Variants in NEDD4L observed in about 807,000 individuals in gnomAD.
The protein encoded by NEDD4L is E3 ubiquitin-protein ligase NEDD4-like.
Under a neutral mutation model 148.9 loss-of-function variants are expected in NEDD4L, and 54 were observed. The observed-to-expected ratio is 0.36, with a 90% CI of 0.29 to 0.45. The LOEUF is 0.45. Ranked by LOEUF, NEDD4L falls within the 20% of genes least tolerant of loss-of-function variation. NEDD4L has a pLI of 1.00. For synonymous variants in NEDD4L, 433 were observed against 440.7 expected (o/e 0.98, Z 0.22); for missense variants, 856 against 1,233.8 (o/e 0.69, Z 4.59).
At chr18:58,294,457 G>A (rs954626451) in intron 5 of NEDD4L, among the ~76,000 whole-genome samples, 4 of 152,102 alleles carry the variant, frequency 2.6e-5, no homozygotes, top group Non-Finnish European at 5.9e-5. Context: ...CTTAGGAAGT[G>A]GCTAAATAAA....
intron 5 of NEDD4L, among the ~76,000 whole-genome samples, chr18:58,262,498 C>T (rs1255582539): frequency 6.6e-6 from 1 of 151,944 alleles, no homozygotes; most frequent in Non-Finnish European, 1.5e-5. Context: ...GCGTGGTGGC[C>T]TCTGTCTGTA....
chr18:58,289,909 T>C (rs1046134432), intron 5 of NEDD4L, among the ~76,000 whole-genome samples: 4 of 152,276 alleles, frequency 2.6e-5, no homozygotes, highest in African/African-American at 9.6e-5. Flanking sequence ...TTGTATACCA[T>C]TGATAGTCAT....
intron 10 of NEDD4L, 111 bp from the exon 11 acceptor site, chr18:58,330,627 G>A (rs554300024): frequency 1.3e-6 from 1 of 747,568 alleles, no homozygotes; most frequent in Non-Finnish European, 2.0e-6. Flanking sequence ...CACTTAGTAG[G>A]TGTTAATTAT....
At chr18:58,198,699 T>A (rs373075868) in intron 2 of NEDD4L, among the ~76,000 whole-genome samples, 1 of 152,240 alleles carries the variant, frequency 6.6e-6, no homozygotes, top group South Asian at 2.1e-4. Flanking sequence ...CTAATTTGAA[T>A]TCCTTGTTTC....
intron 2 of NEDD4L, among the ~76,000 whole-genome samples, chr18:58,241,610 G>T (rs530695364): frequency 6.6e-6 from 1 of 151,202 alleles, no homozygotes; most frequent in East Asian, 1.9e-4. Flanking sequence ...ACCCAGATTT[G>T]CACGGGAAGT....
At chr18:58,070,301 G>C (rs2082801803) in intron 1 of NEDD4L, among the ~76,000 whole-genome samples, 2 of 151,832 alleles carry the variant, frequency 1.3e-5, no homozygotes, top group African/African-American at 4.8e-5. Context: ...GTCTCTCTCT[G>C]TCACCTAGCC....
At chr18:58,101,752 G>T (rs2084765251) in intron 1 of NEDD4L, among the ~76,000 whole-genome samples, 1 of 152,162 alleles carries the variant, frequency 6.6e-6, no homozygotes, top group African/African-American at 2.4e-5. Flanking sequence ...TCTTTGGATG[G>T]TTGTTCTGCC....
At chr18:58,066,013 A>G (rs2082571927) in intron 1 of NEDD4L, among the ~76,000 whole-genome samples, 1 of 152,244 alleles carries the variant, frequency 6.6e-6, no homozygotes, top group African/African-American at 2.4e-5. Flanking sequence ...TTCAGAAATA[A>G]TCAGTCATAC....
chr18:58,344,852 A>G (rs2042849589), intron 16 of NEDD4L, among the ~76,000 whole-genome samples: 1 of 152,222 alleles, frequency 6.6e-6, no homozygotes, highest in Non-Finnish European at 1.5e-5. Flanking sequence ...GCTAACGAAT[A>G]TAAAAGTAGA....
At chr18:58,070,525 C>T (rs4941310) in intron 1 of NEDD4L, among the ~76,000 whole-genome samples, 1 of 151,854 alleles carries the variant, frequency 6.6e-6, no homozygotes, top group Admixed American at 6.6e-5. Flanking sequence ...TGTTCCTTGA[C>T]GACTTCAAAA....
At chr18:58,242,410 A>G (rs1422866231) in intron 2 of NEDD4L, among the ~76,000 whole-genome samples, 1 of 152,210 alleles carries the variant, frequency 6.6e-6, no homozygotes, top group Non-Finnish European at 1.5e-5. Context: ...GGCTGAAGTT[A>G]AGAGTGGTTA....
intron 2 of NEDD4L, among the ~76,000 whole-genome samples, chr18:58,216,453 G>A (rs2043166045): frequency 6.6e-6 from 1 of 152,176 alleles, no homozygotes. Context: ...CCAGAGGCCA[G>A]TTAGGAGGCT....
chr18:58,300,851 G>A (rs1215254374), intron 5 of NEDD4L, among the ~76,000 whole-genome samples: 2 of 152,198 alleles, frequency 1.3e-5, no homozygotes, highest in Admixed American at 1.3e-4. Context: ...TAAATTGGAA[G>A]TATGTGCATA....
At chr18:58,373,334 C>A in intron 24 of NEDD4L, 65 bp downstream of exon 24, 1 of 903,346 alleles carries the variant, frequency 1.1e-6, no homozygotes, top group Non-Finnish European at 1.8e-6. Context: ...TCTTGACGGG[C>A]TGTAACACAA....
chr18:58,243,895 A>T (rs2046935739), intron 2 of NEDD4L, among the ~76,000 whole-genome samples: 1 of 152,180 alleles, frequency 6.6e-6, no homozygotes, highest in South Asian at 2.1e-4. Context: ...CATGTTGCTA[A>T]TTTTTTTAGG....
chr18:58,122,111 C>G (rs1471241674), intron 1 of NEDD4L, among the ~76,000 whole-genome samples: 1 of 152,230 alleles, frequency 6.6e-6, no homozygotes, highest in Non-Finnish European at 1.5e-5. Context: ...TGGCTTACAG[C>G]TGCCATTCAG....
At chr18:58,374,002 C>T (rs866579201) in intron 24 of NEDD4L, among the ~76,000 whole-genome samples, 3 of 152,194 alleles carry the variant, frequency 2.0e-5, no homozygotes, top group Non-Finnish European at 2.9e-5. Flanking sequence ...CCTGTCCTTC[C>T]GCAAAAGCCC....
At chr18:58,318,780 C>A (rs1034252894) in intron 6 of NEDD4L, among the ~76,000 whole-genome samples, 1 of 152,240 alleles carries the variant, frequency 6.6e-6, no homozygotes, top group African/African-American at 2.4e-5. Flanking sequence ...GTTGCACCTT[C>A]CTCTTGACTT....
At position 58,044,404 on chromosome 18, in the gene NEDD4L, C is replaced by T. The variant is rs2081479319; in HGVS notation, c.-257C>T. ...CGCGCAGTGAGAGGCGCCGGGGCTGCCGCCCGGTGCTCGGCGCGCTCTCGG... is the reference window on the plus strand; with the variant it reads ...CGCGCAGTGAGAGGCGCCGGGGCTGTCGCCCGGTGCTCGGCGCGCTCTCGG... On this transcript the variant is annotated 5_prime_UTR_variant, in exon 1 of 31. Coordinates refer to ENST00000400345, the MANE Select transcript of NEDD4L (RefSeq NM_001144967.3). The T allele has an allele frequency of 1.2e-5, 3 of 258,904 alleles. No individual in the cohort carries two copies. Among genetic ancestry groups the T allele is most frequent in the African/African-American group, 2.3e-5 (1 of 44,044 alleles). 16.0% of individuals were successfully genotyped at this position (258,904 alleles called of 1,614,324 possible).
Sources: gnomAD v4.1 joint callset for allele counts (sites outside exome capture counted in the v4.1 genomes callset) on GRCh38, gnomAD v4.1.1 for gene constraint, MANE v1.5 for transcripts, NCBI Gene and HGNC (gene_info 2026-07-23, HGNC 2026-07-21) for gene names.